ANO10: variants seen among roughly 807,000 people sequenced by gnomAD.
ANO10 encodes anoctamin-10.
In ANO10, 77 loss-of-function variants were observed where a neutral mutation model predicts 74.7. That is an observed-to-expected ratio of 1.03 (90% confidence interval 0.86 to 1.25). The LOEUF (loss-of-function observed/expected upper bound fraction) is 1.25, where lower values mean the gene tolerates loss of function less well. ANO10 is among the 50% of genes most tolerant of loss of function. The pLI is 0.00. For synonymous variants in ANO10, 279 were observed against 284.9 expected (o/e 0.98, Z 0.21); for missense variants, 721 against 778.1 (o/e 0.93, Z 0.87).
At chr3:43,485,220 T>C in intron 11 of ANO10, 1 of 672,956 alleles carries the variant, frequency 1.5e-6, no homozygotes, top group African/African-American at 1.8e-5. Flanking sequence ...GTACATGTTG[T>C]AGGTGCAGCT....
chr3:43,451,909 T>C (rs1241420431), intron 11 of ANO10, among the ~76,000 whole-genome samples: 1 of 152,120 alleles, frequency 6.6e-6, no homozygotes, highest in Non-Finnish European at 1.5e-5. Flanking sequence ...TAAGTGAAAA[T>C]GGCTTTCTGT....
intron 10 of ANO10, among the ~76,000 whole-genome samples, chr3:43,554,921 C>G (rs943663759): frequency 6.6e-6 from 1 of 152,136 alleles, no homozygotes; most frequent in African/African-American, 2.4e-5. Flanking sequence ...CAGATAGGAG[C>G]AGAAGTCTAG....
In ANO10 at chr3:43,603,835, T is replaced by C. The variant is rs139041977; in HGVS notation, c.139+1879A>G. Among the ~76,000 whole-genome samples, 855 of 152,306 alleles carry C rather than the reference T, an allele frequency of 5.6e-3. 6 individuals carry two copies. The highest frequency in any genetic ancestry group is 0.019 in the African/African-American group (804 of 41,562). ...GCTGGTCAGGTTCTCCAAAGAAAGA[T>C]TGTCCAATCTGCTTCCTACAAGGTG... On this transcript the variant is annotated intron_variant, in intron 2 of 12. Transcript: ENST00000292246.
At chr3:43,556,275 T>A (rs2079745280) in intron 9 of ANO10, among the ~76,000 whole-genome samples, 1 of 152,206 alleles carries the variant, frequency 6.6e-6, no homozygotes, top group East Asian at 1.9e-4. Flanking sequence ...TGCTCAGCAT[T>A]CAAAATTGCA....
intron 10 of ANO10, chr3:43,551,473 T>C (rs1173575681): frequency 2.2e-6 from 1 of 456,764 alleles, no homozygotes; most frequent in Admixed American, 2.3e-5. Context: ...TGTATTTACC[T>C]GTGAAACCAC....
intron 12 of ANO10, among the ~76,000 whole-genome samples, chr3:43,407,948 G>A (rs1411004697): frequency 6.6e-6 from 1 of 152,196 alleles, no homozygotes; most frequent in Non-Finnish European, 1.5e-5. Flanking sequence ...ATGCAGAGCT[G>A]CTAAAAAATT....
At chr3:43,563,545 G>A (rs1472495521) in intron 8 of ANO10, among the ~76,000 whole-genome samples, 1 of 151,118 alleles carries the variant, frequency 6.6e-6, no homozygotes, top group Non-Finnish European at 1.5e-5. Context: ...ACGGACACCT[G>A]CACCCCCATG....
chr3:43,566,546 T>G (rs1419096646), intron 7 of ANO10, among the ~76,000 whole-genome samples: 1 of 152,158 alleles, frequency 6.6e-6, no homozygotes, highest in Non-Finnish European at 1.5e-5. Context: ...CCGAGCAGCC[T>G]AACTGGGAGG....
In ANO10 at chr3:43,561,091, G is replaced by A. The variant is rs76708931; in HGVS notation, c.1476+129C>T. The A allele has an allele frequency of 4.2e-3, 4,592 of 1,082,476 alleles. 126 individuals are homozygous for A. In the African/African-American group the frequency reaches 0.06, roughly 14 times the overall value. 67.1% of individuals were successfully genotyped at this position (1,082,476 alleles called of 1,614,324 possible). A position where few individuals can be genotyped will look rare whatever the true frequency, so the allele number is the denominator to read the frequency against. On this transcript the variant is annotated intron_variant, in intron 9 of 12. Coordinates refer to ENST00000292246, the MANE Select transcript of ANO10 (RefSeq NM_018075.5). ...TTCACTTTAAAGTGGTTCATGATGA[G>A]GAAACTGACTGGAAAGCACTTCTAG...
At chr3:43,582,898 C>G (rs2081324631) in intron 4 of ANO10, among the ~76,000 whole-genome samples, 1 of 152,238 alleles carries the variant, frequency 6.6e-6, no homozygotes, top group South Asian at 2.1e-4. Context: ...TCACACATGA[C>G]TGTTCTGATT....
chr3:43,621,829 G>A (rs1362781959), intron 1 of ANO10, 80 bp downstream of exon 1: 1 of 152,794 alleles, frequency 6.5e-6, no homozygotes, highest in Non-Finnish European at 1.5e-5. Context: ...GGAGCCTGCA[G>A]CGGCCGGGGC....
At chr3:43,540,863 T>A (rs2078925021) in intron 11 of ANO10, among the ~76,000 whole-genome samples, 1 of 152,202 alleles carries the variant, frequency 6.6e-6, no homozygotes. Flanking sequence ...CAGGGATGTA[T>A]CATAGTAATG....
At chr3:43,445,709 T>G (rs2093234496) in intron 11 of ANO10, among the ~76,000 whole-genome samples, 3 of 152,012 alleles carry the variant, frequency 2.0e-5, no homozygotes, top group East Asian at 3.9e-4. Flanking sequence ...TTTTTTTGTA[T>G]TTTTTGTTTT....
chr3:43,367,032 C>T (rs1345619732), intron 12 of ANO10, 58 bp from the exon 13 acceptor site: 2 of 1,504,920 alleles, frequency 1.3e-6, no homozygotes, highest in East Asian at 2.4e-5. Context: ...GTGGCCGAGG[C>T]CTCTGCTCTC....
intron 1 of ANO10, among the ~76,000 whole-genome samples, chr3:43,676,028 C>G (rs1170702991): frequency 6.6e-6 from 1 of 152,164 alleles, no homozygotes; most frequent in African/African-American, 2.4e-5. Context: ...AGATGTCCTG[C>G]ATCAGATAAC....
At chr3:43,663,131 C>T (rs7639464) in intron 1 of ANO10, among the ~76,000 whole-genome samples, 3,282 of 152,190 alleles carry the variant, frequency 0.022, 68 homozygotes, top group African/African-American at 0.053. Flanking sequence ...AACATTGATG[C>T]GAAAATCCTC....
chr3:43,660,862 G>A (rs1192270438), intron 1 of ANO10, among the ~76,000 whole-genome samples: 2 of 152,186 alleles, frequency 1.3e-5, no homozygotes, highest in African/African-American at 4.8e-5. Context: ...GCCAAGGCAG[G>A]AGAATCACTT....
intron 1 of ANO10, among the ~76,000 whole-genome samples, chr3:43,681,553 G>T (rs1467941886): frequency 6.6e-6 from 1 of 152,100 alleles, no homozygotes; most frequent in Non-Finnish European, 1.5e-5. Context: ...TCCAGGAATT[G>T]AACTCAGCTC....
chr3:43,644,596 G>A (rs1416252322), intron 1 of ANO10, among the ~76,000 whole-genome samples: 1 of 152,230 alleles, frequency 6.6e-6, no homozygotes, highest in African/African-American at 2.4e-5. Flanking sequence ...ACATCACTCA[G>A]TAGCCTTGCC....
Sources: gnomAD v4.1 joint callset for allele counts (sites outside exome capture counted in the v4.1 genomes callset) on GRCh38, gnomAD v4.1.1 for gene constraint, MANE v1.5 for transcripts, NCBI Gene and HGNC (gene_info 2026-07-23, HGNC 2026-07-21) for gene names.